ZNF407: variants seen among roughly 807,000 people sequenced by gnomAD.
ZNF407 encodes the protein zinc finger protein 407.
ZNF407 carries 17 observed loss-of-function variants against 131.2 expected under a neutral mutation model. The observed-to-expected ratio is 0.13, with a 90% confidence interval of 0.09 to 0.19. The LOEUF is 0.19. ZNF407 is among the 10% of genes least tolerant of loss of function. The pLI is 1.00. For missense variants in ZNF407, 2,681 were observed against 2,830.6 expected (o/e 0.95, Z 1.20); for synonymous variants, 1,156 against 1,062.0 (o/e 1.09, Z -1.72).
chr18:74,806,255 G>A (rs974680613), intron 4 of ZNF407, among the ~76,000 whole-genome samples: 2 of 152,190 alleles, frequency 1.3e-5, no homozygotes, highest in Non-Finnish European at 2.9e-5. Flanking sequence ...TCCTTAGTAT[G>A]GCTAATGTTG....
At chr18:74,980,998 G>A (rs1168215190) in intron 8 of ZNF407, among the ~76,000 whole-genome samples, 1 of 152,198 alleles carries the variant, frequency 6.6e-6, no homozygotes, top group African/African-American at 2.4e-5. Flanking sequence ...TACTTGCCTG[G>A]CACCATCAAG....
chr18:74,633,661 G>A lies in ZNF407; in HGVS notation c.2642G>A (p.Cys881Tyr). 1 of 1,614,030 alleles carries A rather than the reference G, an allele frequency of 6.2e-7. No homozygotes were observed. The highest frequency in any genetic ancestry group is 8.5e-7 in the Non-Finnish European group (1 of 1,179,898). The part of the protein sequence containing the change: ...RKHSHQYSYL[C>Y]KVCKYYTVTK... ...CACAGTCACCAGTATAGTTATTTAT[G>A]CAAAGTGTGTAAGTATTACACTGTA... The change falls in exon 2 of 9, where the codon TGC becomes TAC. Residue 881 changes from cysteine (C) to tyrosine (Y), a missense_variant. Physicochemically the swap from Cys to Tyr is radical, Grantham distance 194. Around this residue, in one of 6 missense-constraint regions of ZNF407, gnomAD observed 1,789 missense variants for 1,748.7 expected, o/e 1.02. Coordinates refer to ENST00000299687, the MANE Select transcript of ZNF407 (RefSeq NM_017757.3).
intron 3 of ZNF407, among the ~76,000 whole-genome samples, chr18:74,649,490 A>G (rs1985129309): frequency 6.6e-6 from 1 of 152,234 alleles, no homozygotes; most frequent in Admixed American, 6.5e-5. Flanking sequence ...ATGCTTCACA[A>G]CATAAATTTG....
At chr18:74,719,898 T>G (rs150040989) in intron 3 of ZNF407, among the ~76,000 whole-genome samples, 1 of 152,338 alleles carries the variant, frequency 6.6e-6, no homozygotes, top group East Asian at 1.9e-4. Context: ...CTTTATCCAT[T>G]CATCTGTTGT....
intron 8 of ZNF407, among the ~76,000 whole-genome samples, chr18:75,053,193 G>A (rs1039994258): frequency 1.3e-5 from 2 of 152,148 alleles, no homozygotes; most frequent in Non-Finnish European, 2.9e-5. Flanking sequence ...ATGACGCACT[G>A]TTCCCTCTAG....
chr18:74,994,779 G>C lies in ZNF407; in HGVS notation c.5429-68371G>C, dbSNP rs945907208. Among the ~76,000 whole-genome samples the C allele has an allele frequency of 3.3e-5, 5 of 152,200 alleles. 1 individual carries two copies. The highest frequency in any genetic ancestry group is 3.3e-4 in the Admixed American group (5 of 15,268). ...GGAAGAATAGATGATGGAAAGGGCC[G>C]GGGAGGGCACTCGTGGGCAGTGAGC... is the stretch of plus-strand genomic sequence containing the variant. On this transcript the variant is annotated intron_variant, in intron 8 of 8. Coordinates refer to ENST00000299687, the MANE Select transcript of ZNF407 (RefSeq NM_017757.3).
At chr18:74,974,703 A>G (rs1355243631) in intron 8 of ZNF407, among the ~76,000 whole-genome samples, 2 of 152,218 alleles carry the variant, frequency 1.3e-5, no homozygotes, top group East Asian at 3.8e-4. Context: ...ATGGGGCATG[A>G]GGGGACACTA....
intron 8 of ZNF407, among the ~76,000 whole-genome samples, chr18:75,059,413 A>G (rs1168526155): frequency 6.6e-6 from 1 of 152,128 alleles, no homozygotes; most frequent in Non-Finnish European, 1.5e-5. Flanking sequence ...CCTTTTCTGT[A>G]ATTAAAATTA....
At chr18:74,889,452 G>T (rs1203550436) in intron 6 of ZNF407, among the ~76,000 whole-genome samples, 1 of 152,080 alleles carries the variant, frequency 6.6e-6, no homozygotes, top group African/African-American at 2.4e-5. Context: ...ACTTTTTAAG[G>T]TGGTGCCCAT....
chr18:74,851,823 C>G (rs1293501893), intron 4 of ZNF407, among the ~76,000 whole-genome samples: 1 of 152,178 alleles, frequency 6.6e-6, no homozygotes, highest in Non-Finnish European at 1.5e-5. Context: ...GCAAAGTGCC[C>G]TTAGCATTCA....
intron 4 of ZNF407, among the ~76,000 whole-genome samples, chr18:74,868,240 A>G (rs1392685889): frequency 6.6e-6 from 1 of 152,202 alleles, no homozygotes; most frequent in Non-Finnish European, 1.5e-5. Context: ...TGTTTAGTAC[A>G]TTACTTGGCC....
At chr18:74,676,171 A>G (rs988420700) in intron 3 of ZNF407, among the ~76,000 whole-genome samples, 10 of 151,568 alleles carry the variant, frequency 6.6e-5, no homozygotes, top group African/African-American at 2.4e-4. Context: ...GGCTCACTGC[A>G]AACTCCACCT....
In ZNF407 at chr18:74,891,053, G is replaced by A. The variant is rs1416292063; in HGVS notation, c.5249+1015G>A. ...GAAGCCTTCGTGCAGAAGAGTGTGA[G>A]ATAGACTCAGGCGAGGCTAAATCAT... On this transcript the variant is annotated intron_variant, in intron 7 of 8. Transcript: ENST00000299687. Among the ~76,000 whole-genome samples, 4 of 152,228 alleles carry A rather than the reference G, an allele frequency of 2.6e-5. 1 individual carries two copies. Among genetic ancestry groups the A allele is most frequent in the Admixed American group, 2.6e-4 (4 of 15,286 alleles).
At chr18:74,861,560 A>C (rs1331812684) in intron 4 of ZNF407, among the ~76,000 whole-genome samples, 2 of 152,232 alleles carry the variant, frequency 1.3e-5, no homozygotes, top group Non-Finnish European at 2.9e-5. Context: ...GGACAGGAAT[A>C]ACTTTATTTA....
At position 74,897,047 on chromosome 18, in the gene ZNF407, A is replaced by G. The variant is rs142734766; in HGVS notation, c.5249+7009A>G. On this transcript the variant is annotated intron_variant, in intron 7 of 8. Coordinates refer to ENST00000299687, the MANE Select transcript of ZNF407 (RefSeq NM_017757.3). ...TCATATTCAGCTTGCTTTATTCATA[A>G]TTTTCTTTCTTGCCCTCTAACACAC... 1.6e-3 allele frequency among the ~76,000 whole-genome samples: 238 copies of G among 151,864 alleles called. 1 individual carries two copies. Among genetic ancestry groups the G allele is most frequent in the East Asian group, 3.7e-3 (19 of 5,162 alleles).
At chr18:74,720,554 T>A (rs147771356) in intron 3 of ZNF407, among the ~76,000 whole-genome samples, 1 of 152,280 alleles carries the variant, frequency 6.6e-6, no homozygotes, top group East Asian at 1.9e-4. Flanking sequence ...TTTTCAGGTC[T>A]TACTCATATA....
intron 6 of ZNF407, among the ~76,000 whole-genome samples, chr18:74,882,900 T>C (rs1470693407): frequency 6.6e-6 from 1 of 152,222 alleles, no homozygotes; most frequent in Non-Finnish European, 1.5e-5. Flanking sequence ...GTGCTCAAAT[T>C]GTTACTGTTT....
At chr18:74,726,540 G>C (rs1341184918) in intron 3 of ZNF407, among the ~76,000 whole-genome samples, 1 of 152,184 alleles carries the variant, frequency 6.6e-6, no homozygotes, top group African/African-American at 2.4e-5. Flanking sequence ...TTTGGAATAT[G>C]TATATATGTA....
intron 4 of ZNF407, among the ~76,000 whole-genome samples, chr18:74,837,946 G>A (rs780550119): frequency 7.9e-5 from 12 of 152,124 alleles, no homozygotes; most frequent in South Asian, 2.1e-4. Context: ...GACCCACTGC[G>A]TCTGGAGCAT....
Sources: gnomAD v4.1 joint callset for allele counts (sites outside exome capture counted in the v4.1 genomes callset) on GRCh38, gnomAD v4.1.1 for gene constraint, gnomAD v4.1.1 regional missense constraint, MANE v1.5 for transcripts, NCBI Gene and HGNC (gene_info 2026-07-23, HGNC 2026-07-21) for gene names.